LVRN: variants seen among roughly 807,000 people sequenced by gnomAD.
The protein encoded by LVRN is laeverin, also known as aminopeptidase Q.
A neutral mutation model predicts 111.4 loss-of-function variants in LVRN; 99 were observed. The ratio of observed to expected loss-of-function variants is 0.89; its 90% confidence interval spans 0.76 to 1.05. The LOEUF (loss-of-function observed/expected upper bound fraction) is 1.05. Ranked by LOEUF, LVRN falls within the 50% of genes least tolerant of loss-of-function variation. The pLI, the probability that LVRN is intolerant of heterozygous loss-of-function variation, is 0.00. For missense variants in LVRN, 1,414 were observed against 1,206.8 expected, an observed-to-expected ratio of 1.17 and a Z score of -2.54; for synonymous variants, 488 against 449.5, an observed-to-expected ratio of 1.09 and a Z score of -1.08.
chr5:115,993,937 T>A (rs1748051291), intron 6 of LVRN, 83 bp downstream of exon 6: 1 of 669,484 alleles, frequency 1.5e-6, no homozygotes, highest in Non-Finnish European at 2.3e-6. Context: ...ATGTATAAAA[T>A]ACAAGAAAAT....
At chr5:115,975,277 G>A (rs904642063) in intron 1 of LVRN, 1 of 392,242 alleles carries the variant, frequency 2.5e-6, no homozygotes, top group Non-Finnish European at 4.9e-6. Context: ...AACCAAGTAG[G>A]TTACACTTCT....
chr5:116,026,100 G>T lies in LVRN; in HGVS notation c.2955G>T (p.Trp985Cys), dbSNP rs1228312357. The change falls in exon 20 of 20, where the codon TGG becomes TGT. Residue 985 changes from tryptophan (W) to cysteine (C), a missense_variant. Trp to Cys is a radical substitution (Grantham distance 215). Coordinates refer to ENST00000357872, the MANE Select transcript of LVRN (RefSeq NM_173800.5). ...AGCTAAGTGCCAGGATAGCTGCGTG[G>T]CTAAGGAGAAACACATAGCTTGTGG... ...NKKLSARIAAWLRRNT is the reference protein window; with the variant it reads ...NKKLSARIAACLRRNT The T allele has an allele frequency of 1.2e-6, 2 of 1,613,794 alleles. No individual in the cohort carries two copies. Among genetic ancestry groups the T allele is most frequent in the Non-Finnish European group, 1.7e-6 (2 of 1,179,810 alleles).
At chr5:116,025,701 A>G (rs1748848512) in intron 19 of LVRN, among the ~76,000 whole-genome samples, 1 of 152,158 alleles carries the variant, frequency 6.6e-6, no homozygotes, top group Non-Finnish European at 1.5e-5. Context: ...TTCAGTAAAT[A>G]TTCATTGAGA....
rs761818701 is a variant in LVRN at position 115,983,325 on chromosome 5, G to T, written c.734G>T (p.Arg245Met). ...TCCCAGCTGGAACCAACATTTGCCA[G>T]GTATGTTTTCCCTTGTTTTGATGAG... The part of the protein sequence containing the change: ...LASQLEPTFA[R>M]YVFPCFDEPA... Residue 245 changes from arginine to methionine, a missense_variant, in exon 2 of 20, where the codon AGG (arginine) becomes ATG (methionine). Physicochemically the swap from Arg to Met is moderately conservative, Grantham distance 91. Transcript: ENST00000357872. 2.5e-6 allele frequency: 4 copies of T among 1,609,318 alleles called. No homozygotes were observed. Among genetic ancestry groups the T allele is most frequent in the South Asian group, 1.1e-5 (1 of 90,024 alleles).
At position 115,992,267 on chromosome 5, in the gene LVRN, T is replaced by C. The variant is rs149831297; in HGVS notation, c.1250T>C (p.Ile417Thr). The change falls in exon 5 of 20, where the codon ATT (isoleucine) becomes ACT (threonine). Residue 417 changes from isoleucine (I) to threonine (T), a missense_variant. By Grantham distance (89) the Ile-to-Thr change is moderately conservative (BLOSUM62 -1). Transcript: ENST00000357872. ...TLISYVVSHE[I>T]GHQWFGNLVT... Reference sequence around the variant, plus strand: ...ATCTCCTATGTTGTCTCCCACGAGATTGGACACCAGGCATGTGGTAAAATG... The same window carrying C: ...ATCTCCTATGTTGTCTCCCACGAGACTGGACACCAGGCATGTGGTAAAATG... The C allele has an allele frequency of 1.3e-4, 215 of 1,613,660 alleles. No individual in the cohort carries two copies. The highest frequency in any genetic ancestry group is 4.9e-4 in the Middle Eastern group (3 of 6,082).
At chr5:115,997,466 C>G (rs989000439) in intron 6 of LVRN, among the ~76,000 whole-genome samples, 5 of 152,204 alleles carry the variant, frequency 3.3e-5, no homozygotes, top group African/African-American at 1.2e-4. Flanking sequence ...GAGTTTAAGA[C>G]CAGCCTGGGC....
rs146268171 is a variant in LVRN, at chr5:115,971,898, A to G, written c.695+8586A>G. On this transcript the variant is annotated intron_variant, in intron 1 of 19. Coordinates refer to ENST00000357872, the MANE Select transcript of LVRN (RefSeq NM_173800.5). ...TTGACTGAGATTATGTTGACTCTATAGAAAAATTTGAGGAGAATTCAAATG... is the reference window on the plus strand; with the variant it reads ...TTGACTGAGATTATGTTGACTCTATGGAAAAATTTGAGGAGAATTCAAATG... Among the ~76,000 whole-genome samples the G allele has an allele frequency of 9.7e-4, 148 of 152,260 alleles. 1 individual carries two copies. In the East Asian group the frequency reaches 0.023, roughly 24 times the overall value.
intron 6 of LVRN, among the ~76,000 whole-genome samples, chr5:115,995,911 A>G (rs193051578): frequency 9.2e-5 from 14 of 152,118 alleles, no homozygotes; most frequent in Admixed American, 8.5e-4. Context: ...CTATAGCAAA[A>G]ACACACTGGA....
chr5:116,007,026 C>G (rs189821435), intron 13 of LVRN, among the ~76,000 whole-genome samples: 30 of 152,254 alleles, frequency 2.0e-4, no homozygotes, highest in Admixed American at 1.7e-3. Context: ...GTCACCAAGT[C>G]CTATCTCTTC....
chr5:116,011,481 GA>G (rs755245621), intron 14 of LVRN, among the ~76,000 whole-genome samples: 1 of 152,022 alleles, frequency 6.6e-6, no homozygotes, highest in East Asian at 1.9e-4. Context: ...GTAATTATAG[GA>G]AAAAATAGCA....
intron 12 of LVRN, among the ~76,000 whole-genome samples, chr5:116,003,789 G>A (rs934158665): frequency 6.6e-5 from 10 of 152,162 alleles, no homozygotes; most frequent in Admixed American, 6.5e-4. Flanking sequence ...CACCGTGTTA[G>A]CCAGGATGAT....
At chr5:116,009,358 G>C (rs2112621315) in intron 13 of LVRN, among the ~76,000 whole-genome samples, 1 of 152,280 alleles carries the variant, frequency 6.6e-6, no homozygotes, top group Non-Finnish European at 1.5e-5. Flanking sequence ...GATTAATGTT[G>C]TTTTCATGCC....
chr5:116,026,209 A>T lies in LVRN; in HGVS notation c.*91A>T. ...CAATACTTTGTGAGTCTGGAAAACC[A>T]CACATTTTATTTGTATTTCAGTCAC... On this transcript the variant is annotated 3_prime_UTR_variant, in exon 20 of 20. Coordinates refer to ENST00000357872, the MANE Select transcript of LVRN (RefSeq NM_173800.5). 6.5e-7 allele frequency: 1 copy of T among 1,530,404 alleles called. No individual in the cohort carries two copies. Among genetic ancestry groups the T allele is most frequent in the Non-Finnish European group, 8.9e-7 (1 of 1,122,332 alleles). The allele number at this position is 1,530,404 out of a possible 1,614,324, so 94.8% of individuals were successfully genotyped here.
At chr5:116,017,158 C>T (rs533496508) in intron 18 of LVRN, among the ~76,000 whole-genome samples, 23 of 152,208 alleles carry the variant, frequency 1.5e-4, no homozygotes, top group African/African-American at 4.8e-4. Context: ...GACAGAACAC[C>T]AGGAAATGCC....
Position 116,022,440 on chromosome 5 carries a change from G to C in LVRN, c.2806G>C (p.Val936Leu). 1 of 1,558,678 alleles carries C rather than the reference G, an allele frequency of 6.4e-7. No homozygotes were observed. The highest frequency in any genetic ancestry group is 8.7e-7 in the Non-Finnish European group (1 of 1,144,224). Residue 936 changes from valine (V) to leucine (L), a missense_variant, in exon 19 of 20, where the codon GTA (valine) becomes CTA (leucine). Physicochemically the swap from Val to Leu is conservative, Grantham distance 32. Coordinates refer to ENST00000357872, the MANE Select transcript of LVRN (RefSeq NM_173800.5). The part of the protein sequence containing the change: ...INLIYTIGRT[V>L]TTDLQIVELQ... ...TCTAATATATACAATAGGGAGAACC[G>C]TAACTACAGATTTACAGATTGTGGA...
chr5:116,015,195 A>G, intron 16 of LVRN, 57 bp from the exon 17 acceptor site: 1 of 840,144 alleles, frequency 1.2e-6, no homozygotes, highest in Non-Finnish European at 1.6e-6. Flanking sequence ...CTAAAATATG[A>G]TAACCTGGGT....
chr5:115,981,672 T>C (rs1753562556), intron 1 of LVRN, among the ~76,000 whole-genome samples: 1 of 152,180 alleles, frequency 6.6e-6, no homozygotes, highest in Non-Finnish European at 1.5e-5. Flanking sequence ...CTAGTTATTA[T>C]TCATTCTTTC....
chr5:116,007,749 G>A (rs1357038571), intron 13 of LVRN, among the ~76,000 whole-genome samples: 1 of 152,172 alleles, frequency 6.6e-6, no homozygotes, highest in Non-Finnish European at 1.5e-5. Context: ...TGATAACTCT[G>A]AGTCAAGCAA....
At chr5:115,963,914 T>C (rs1753146117) in intron 1 of LVRN, among the ~76,000 whole-genome samples, 1 of 152,188 alleles carries the variant, frequency 6.6e-6, no homozygotes, top group South Asian at 2.1e-4. Context: ...ACCTTTCCTC[T>C]CTAGCCGGAA....
Sources: gnomAD v4.1 joint callset for allele counts (sites outside exome capture counted in the v4.1 genomes callset) on GRCh38, gnomAD v4.1.1 for gene constraint, MANE v1.5 for transcripts, NCBI Gene and HGNC (gene_info 2026-07-23, HGNC 2026-07-21) for gene names.